FA2H: variants seen among roughly 807,000 people sequenced by gnomAD.
The protein encoded by FA2H is fatty acid alpha-hydroxylase.
A neutral mutation model predicts 44.9 loss-of-function variants in FA2H; 22 were observed. The observed-to-expected ratio is 0.49, with a 90% CI of 0.35 to 0.70. The LOEUF (loss-of-function observed/expected upper bound fraction) is 0.70, where lower values mean the gene tolerates loss of function less well. Ranked by LOEUF, FA2H falls within the 30% of genes least tolerant of loss-of-function variation. The pLI is 0.01. For missense variants in FA2H, 501 were observed against 504.9 expected (o/e 0.99, Z 0.07); for synonymous variants, 243 against 213.2 (o/e 1.14, Z -1.22).
chr16:74,747,783 C>T (rs528434457), intron 1 of FA2H, among the ~76,000 whole-genome samples: 1 of 152,262 alleles, frequency 6.6e-6, no homozygotes, highest in South Asian at 2.1e-4. Context: ...GACTTCTGGC[C>T]TCCAGAGCTG....
Position 74,726,319 on chromosome 16 carries a change from GGGGA to G in FA2H, c.515_518del (p.Val172AlafsTer68). On this transcript the variant is annotated frameshift_variant, in exon 4 of 7. Coordinates refer to ENST00000219368, the MANE Select transcript of FA2H (RefSeq NM_024306.5). LOFTEE classifies it high-confidence loss of function. ...ACAGCACCAGGGGCACCCAGATGAT[GGGGA>G]CACTGTACCTGCAGGAAGGCCATCA... 6.2e-7 allele frequency: 1 copy of G among 1,612,802 alleles called. No homozygotes were observed. The highest frequency in any genetic ancestry group is 8.5e-7 in the Non-Finnish European group (1 of 1,178,906).
chr16:74,747,619 A>C (rs241378), intron 1 of FA2H, among the ~76,000 whole-genome samples: 13 of 151,832 alleles, frequency 8.6e-5, no homozygotes, highest in African/African-American at 2.9e-4. Flanking sequence ...ACAGACACAC[A>C]CGTGTGAAGA....
At chr16:74,742,510 G>A (rs976591188) in intron 1 of FA2H, among the ~76,000 whole-genome samples, 1 of 152,210 alleles carries the variant, frequency 6.6e-6, no homozygotes, top group Non-Finnish European at 1.5e-5. Context: ...AGACTGGTAT[G>A]AGATTGCCAG....
intron 1 of FA2H, among the ~76,000 whole-genome samples, chr16:74,768,471 AG>A (rs1962847835): frequency 6.6e-6 from 1 of 152,170 alleles, no homozygotes; most frequent in Non-Finnish European, 1.5e-5. Context: ...CAGGTGGTAG[AG>A]GGCAGTGACT....
rs143255996 is a variant in FA2H at position 74,716,695 on chromosome 16, G to A, written c.787-96C>T. 3.5e-4 allele frequency: 486 copies of A among 1,386,370 alleles called. 3 individuals carry two copies. The African/African-American group carries it at 5.5e-3, about 16-fold the overall frequency. 85.9% of individuals were successfully genotyped at this position (1,386,370 alleles called of 1,614,324 possible). A position where few individuals can be genotyped will look rare whatever the true frequency, so the allele number is the denominator to read the frequency against. On this transcript the variant is annotated intron_variant, in intron 5 of 6. Coordinates refer to ENST00000219368, the MANE Select transcript of FA2H (RefSeq NM_024306.5). The stretch of plus-strand genomic sequence containing the variant: ...CCCTGCAGAGGACAGGGGCACAGCG[G>A]CCCAGACATTCCACTGCGTAGGCTT...
intron 2 of FA2H, among the ~76,000 whole-genome samples, chr16:74,738,690 T>C (rs1962229436): frequency 6.6e-6 from 1 of 152,154 alleles, no homozygotes; most frequent in African/African-American, 2.4e-5. Context: ...GGACACACTG[T>C]AGCTCACCCT....
intron 4 of FA2H, among the ~76,000 whole-genome samples, chr16:74,720,630 G>A (rs1018940290): frequency 3.3e-5 from 5 of 152,010 alleles, no homozygotes; most frequent in African/African-American, 7.3e-5. Flanking sequence ...ATAATTCAGT[G>A]CTTTTTAGTA....
intron 1 of FA2H, among the ~76,000 whole-genome samples, chr16:74,750,591 C>A (rs1962509756): frequency 6.6e-6 from 1 of 152,190 alleles, no homozygotes; most frequent in Non-Finnish European, 1.5e-5. Flanking sequence ...CCTCCTACTT[C>A]TTTTTGCTGA....
At position 74,728,701 on chromosome 16, in the gene FA2H, G is replaced by C. The variant is rs936473566; in HGVS notation, c.364-1315C>G. On this transcript the variant is annotated intron_variant, in intron 2 of 6. Transcript: ENST00000219368. ...GGTACTCACAGGCTAATCCCCAGAG[G>C]CAGGGAGAAAATATTAACGACCCTA... Among the ~76,000 whole-genome samples, 3 of 152,006 alleles carry C rather than the reference G, an allele frequency of 2.0e-5. No homozygotes were observed. In the South Asian group the frequency reaches 6.2e-4, roughly 31 times the overall value.
chr16:74,774,405 G>C lies in FA2H; in HGVS notation c.270+81C>G, dbSNP rs578177228. The stretch of plus-strand genomic sequence containing the variant: ...AGCTGTCACCTTGGGTCCTGCTAGA[G>C]GGCAAGTGAACGGGGCTCGCCCGGG... On this transcript the variant is annotated intron_variant, in intron 1 of 6. Coordinates refer to ENST00000219368, the MANE Select transcript of FA2H (RefSeq NM_024306.5). 1.1e-5 allele frequency: 15 copies of C among 1,362,918 alleles called. No homozygotes were observed. In the African/African-American group the frequency reaches 2.2e-4, roughly 20 times the overall value. 84.4% of individuals were successfully genotyped at this position (1,362,918 alleles called of 1,614,324 possible).
chr16:74,731,605 T>C (rs895805606), intron 2 of FA2H, among the ~76,000 whole-genome samples: 1 of 151,770 alleles, frequency 6.6e-6, no homozygotes, highest in Non-Finnish European at 1.5e-5. Context: ...GCTACAGCCT[T>C]GACCTCTGAA....
chr16:74,758,582 A>G (rs1422280434), intron 1 of FA2H, among the ~76,000 whole-genome samples: 2 of 152,120 alleles, frequency 1.3e-5, no homozygotes, highest in Non-Finnish European at 2.9e-5. Context: ...AAACTTTGAC[A>G]TCAATCCTAA....
intron 2 of FA2H, among the ~76,000 whole-genome samples, chr16:74,738,118 G>A (rs762931214): frequency 5.3e-5 from 8 of 152,214 alleles, no homozygotes; most frequent in African/African-American, 1.7e-4. Flanking sequence ...TGGGGGCTCC[G>A]TCCAGAGTAG....
At chr16:74,772,345 C>G (rs74024559) in intron 1 of FA2H, among the ~76,000 whole-genome samples, 32,867 of 152,214 alleles carry the variant, frequency 0.22, 4,141 homozygotes, top group Non-Finnish European at 0.28. Flanking sequence ...CAAGAAGGCT[C>G]TCTATGCTCC....
rs1962938832 is a variant in FA2H, at chr16:74,773,135, CAA to C, written c.270+1349_270+1350del. On this transcript the variant is annotated intron_variant, in intron 1 of 6. Coordinates refer to ENST00000219368, the MANE Select transcript of FA2H (RefSeq NM_024306.5). ...GAGCGATCCTCTTACCTCGGCCTCC[CAA>C]AGTGCTAGGATTACAGATGTCAGCC... Among the ~76,000 whole-genome samples the C allele has an allele frequency of 2.6e-5, 4 of 152,274 alleles. No homozygotes were observed. The South Asian group carries it at 8.3e-4, about 32-fold the overall frequency.
At chr16:74,733,154 G>A (rs1962110281) in intron 2 of FA2H, among the ~76,000 whole-genome samples, 1 of 152,196 alleles carries the variant, frequency 6.6e-6, no homozygotes, top group Admixed American at 6.5e-5. Flanking sequence ...GCCCAGGGAA[G>A]GTGCCCACTT....
chr16:74,766,386 A>G (rs944459695), intron 1 of FA2H, among the ~76,000 whole-genome samples: 2 of 152,152 alleles, frequency 1.3e-5, no homozygotes, highest in Admixed American at 6.5e-5. Context: ...AGGGGAAAAA[A>G]GCAGATATAG....
intron 2 of FA2H, among the ~76,000 whole-genome samples, chr16:74,732,610 T>A (rs1000574873): frequency 1.3e-5 from 2 of 151,960 alleles, no homozygotes; most frequent in African/African-American, 4.8e-5. Context: ...CTAATTTTTT[T>A]GTATTATTAG....
At chr16:74,724,206 C>T (rs1377667018) in intron 4 of FA2H, among the ~76,000 whole-genome samples, 1 of 152,090 alleles carries the variant, frequency 6.6e-6, no homozygotes, top group African/African-American at 2.4e-5. Flanking sequence ...CTGGCCTTAG[C>T]TCTCTTGTTG....
Sources: gnomAD v4.1 joint callset for allele counts (sites outside exome capture counted in the v4.1 genomes callset) on GRCh38, gnomAD v4.1.1 for gene constraint, MANE v1.5 for transcripts, NCBI Gene and HGNC (gene_info 2026-07-23, HGNC 2026-07-21) for gene names.